KCNK3: variants seen among roughly 807,000 people sequenced by gnomAD.
The protein encoded by KCNK3 is potassium two pore domain channel subfamily K member 3, also known as potassium channel subfamily K member 3.
A neutral mutation model predicts 27.3 loss-of-function variants in KCNK3; 9 were observed. The observed-to-expected ratio is 0.33, with a 90% CI of 0.20 to 0.57. The LOEUF is 0.57. KCNK3 is among the 20% of genes least tolerant of loss of function. The pLI is 0.87. For synonymous variants in KCNK3, 278 were observed against 273.8 expected, an observed-to-expected ratio of 1.02 and a Z score of -0.15; for missense variants, 391 against 577.7, an observed-to-expected ratio of 0.68 and a Z score of 3.31.
At chr2:26,700,714 T>TTCATCATCATCATCACCA (rs1314809754) in intron 1 of KCNK3, among the ~76,000 whole-genome samples, 8 of 137,988 alleles carry the variant, frequency 5.8e-5, no homozygotes, top group Non-Finnish European at 9.4e-5. Context: ...CTTCTCCCTC[T>TTCATCATCATCATCACCA]TCATCATCAT....
chr2:26,717,585 A>C (rs1329526895), intron 1 of KCNK3, among the ~76,000 whole-genome samples: 1 of 152,214 alleles, frequency 6.6e-6, no homozygotes, highest in Non-Finnish European at 1.5e-5. Context: ...GATTCATTTA[A>C]TTAAAACCCC....
At chr2:26,717,054 T>A in intron 1 of KCNK3, among the ~76,000 whole-genome samples, 1 of 152,210 alleles carries the variant, frequency 6.6e-6, no homozygotes, top group South Asian at 2.1e-4. Flanking sequence ...GACCACAGAC[T>A]CATAAAGCCT....
intron 1 of KCNK3, among the ~76,000 whole-genome samples, chr2:26,707,836 G>C (rs1670394320): frequency 6.6e-6 from 1 of 152,150 alleles, no homozygotes; most frequent in African/African-American, 2.4e-5. Context: ...AGGGTGCAGG[G>C]GAGATGGGCA....
chr2:26,697,681 G>T (rs915801064), intron 1 of KCNK3, among the ~76,000 whole-genome samples: 1 of 152,116 alleles, frequency 6.6e-6, no homozygotes, highest in Non-Finnish European at 1.5e-5. Context: ...TTCTCCCACT[G>T]CAGGTCCTGG....
intron 1 of KCNK3, among the ~76,000 whole-genome samples, chr2:26,707,284 C>T (rs781617015): frequency 1.8e-4 from 28 of 152,144 alleles, no homozygotes; most frequent in Non-Finnish European, 2.4e-4. Context: ...GAATGGAGTG[C>T]GGGAGGGAGC....
At chr2:26,713,641 G>A (rs1053555228) in intron 1 of KCNK3, among the ~76,000 whole-genome samples, 1 of 151,980 alleles carries the variant, frequency 6.6e-6, no homozygotes, top group Non-Finnish European at 1.5e-5. Flanking sequence ...AATTTGCTGG[G>A]TGTGTAATCC....
intron 1 of KCNK3, among the ~76,000 whole-genome samples, chr2:26,724,049 C>A (rs534933200): frequency 1.3e-5 from 2 of 152,220 alleles, no homozygotes; most frequent in African/African-American, 4.8e-5. Context: ...AGGCAGGCAG[C>A]GGGCCTGCTG....
intron 1 of KCNK3, among the ~76,000 whole-genome samples, chr2:26,716,689 T>C (rs1663236164): frequency 6.6e-6 from 1 of 152,094 alleles, no homozygotes; most frequent in South Asian, 2.1e-4. Context: ...AATGTACCCC[T>C]CTCCTCAGGG....
intron 1 of KCNK3, among the ~76,000 whole-genome samples, chr2:26,722,219 A>G (rs1013034376): frequency 1.3e-5 from 2 of 152,208 alleles, no homozygotes; most frequent in African/African-American, 4.8e-5. Context: ...CATTTCCCCA[A>G]TTTAATTGAG....
intron 1 of KCNK3, among the ~76,000 whole-genome samples, chr2:26,713,401 G>A (rs1663161089): frequency 6.6e-6 from 1 of 152,166 alleles, no homozygotes; most frequent in Admixed American, 6.5e-5. Flanking sequence ...TTACTGGCCA[G>A]GAAACCCCCA....
intron 1 of KCNK3, among the ~76,000 whole-genome samples, chr2:26,701,824 T>C (rs1213887230): frequency 1.3e-5 from 2 of 152,028 alleles, no homozygotes; most frequent in Non-Finnish European, 2.9e-5. Context: ...CCTGTAGTCC[T>C]AGCTATTCAG....
chr2:26,694,018 C>T (rs1670204665), intron 1 of KCNK3, among the ~76,000 whole-genome samples: 1 of 152,074 alleles, frequency 6.6e-6, no homozygotes, highest in Admixed American at 6.5e-5. Context: ...ACAAACGTTG[C>T]CCAGGAAAGG....
At chr2:26,724,412 G>T (rs1235815882) in intron 1 of KCNK3, 2 of 171,162 alleles carry the variant, frequency 1.2e-5, no homozygotes, top group Non-Finnish European at 2.3e-5. Context: ...CCACGTACCG[G>T]AATGAATGCT....
chr2:26,712,714 CAT>C (rs1300363818), intron 1 of KCNK3, among the ~76,000 whole-genome samples: 3 of 150,910 alleles, frequency 2.0e-5, no homozygotes, highest in Admixed American at 6.6e-5. Flanking sequence ...TGCGCACACA[CAT>C]GTGAATGTTG....
chr2:26,706,851 G>A (rs1670381146), intron 1 of KCNK3, among the ~76,000 whole-genome samples: 1 of 152,084 alleles, frequency 6.6e-6, no homozygotes, highest in Admixed American at 6.5e-5. Flanking sequence ...CTGCTCCTCT[G>A]CTCCTCTGCT....
In KCNK3 at chr2:26,693,194, G is replaced by A; in HGVS notation, c.283+36G>A. Reference sequence around the variant, plus strand: ...GCCGGGCGGGGGGCGGGAACCCAGGGCTGGGCGCGGGGCTCCGGGAGTCGT... The same window carrying A: ...GCCGGGCGGGGGGCGGGAACCCAGGACTGGGCGCGGGGCTCCGGGAGTCGT... On this transcript the variant is annotated intron_variant, in intron 1 of 1. Transcript: ENST00000302909. The surrounding 1 kb of genome is among the most constrained non-coding windows in gnomAD (Gnocchi z 5.5). The A allele has an allele frequency of 6.8e-7, 1 of 1,460,944 alleles. No individual in the cohort carries two copies. Among genetic ancestry groups the A allele is most frequent in the Non-Finnish European group, 9.1e-7 (1 of 1,095,986 alleles). The allele number at this position is 1,460,944 out of a possible 1,614,324, so 90.5% of individuals were successfully genotyped here.
rs375823831 is a variant in KCNK3 at position 26,718,407 on chromosome 2, C to T, written c.284-9260C>T. Among the ~76,000 whole-genome samples the T allele has an allele frequency of 1.3e-4, 20 of 152,294 alleles. No homozygotes were observed. The East Asian group carries it at 2.9e-3, about 22-fold the overall frequency. On this transcript the variant is annotated intron_variant, in intron 1 of 1. Transcript: ENST00000302909. Reference sequence around the variant, plus strand: ...TCAACTGTACTTCCTGTTCCAAGAACGCCAGAAGAACTTGTGCTGTTTTTA... The same window carrying T: ...TCAACTGTACTTCCTGTTCCAAGAATGCCAGAAGAACTTGTGCTGTTTTTA...
At chr2:26,726,104 C>A (rs2699696) in intron 1 of KCNK3, among the ~76,000 whole-genome samples, 1 of 80,480 alleles carries the variant, frequency 1.2e-5, no homozygotes, top group Admixed American at 1.1e-4. Flanking sequence ...CACACACACA[C>A]ACAGAGAGAG....
intron 1 of KCNK3, among the ~76,000 whole-genome samples, chr2:26,713,362 C>T (rs1663160460): frequency 6.6e-6 from 1 of 152,096 alleles, no homozygotes; most frequent in South Asian, 2.1e-4. Flanking sequence ...GCCAGTAGGG[C>T]GGGATCAGGT....
Sources: allele counts gnomAD v4.1 joint callset (sites outside exome capture counted in the v4.1 genomes callset), GRCh38; gene constraint gnomAD v4.1.1; non-coding constraint Gnocchi (gnomAD v3.1); transcripts MANE v1.5; gene names NCBI Gene and HGNC (gene_info 2026-07-23, HGNC 2026-07-21).